TRAT1: variants seen among roughly 807,000 people sequenced by gnomAD.
TRAT1 encodes T-cell receptor-associated transmembrane adapter 1.
Under a neutral mutation model 20.0 loss-of-function variants are expected in TRAT1, and 20 were observed. The ratio of observed to expected loss-of-function variants is 1.00; its 90% CI spans 0.70 to 1.45. TRAT1 has a LOEUF of 1.45. Ranked by LOEUF, TRAT1 falls within the 40% of genes most tolerant of loss-of-function variation. The pLI is 0.00. For missense variants in TRAT1, 237 were observed against 224.1 expected (o/e 1.06, Z -0.37); for synonymous variants, 77 against 74.2 (o/e 1.04, Z -0.20).
chr3:108,830,575 G>A (rs1945783312), intron 1 of TRAT1, 95 bp from the exon 2 acceptor site: 3 of 806,296 alleles, frequency 3.7e-6, no homozygotes, highest in South Asian at 1.5e-5. Flanking sequence ...ACTTCATTAT[G>A]AATAAATGCA....
chr3:108,843,089 G>T (rs147105123), intron 3 of TRAT1, among the ~76,000 whole-genome samples: 1 of 152,176 alleles, frequency 6.6e-6, no homozygotes, highest in Non-Finnish European at 1.5e-5. Flanking sequence ...CAGAGAAAGC[G>T]AAAATGTAAT....
rs1217978101 is a variant in TRAT1 at position 108,854,670 on chromosome 3, G to A, written c.*793G>A. 6.6e-6 allele frequency: 1 copy of A among 151,888 alleles called. No individual in the cohort carries two copies. The highest frequency in any genetic ancestry group is 1.5e-5 in the Non-Finnish European group (1 of 67,940). 9.4% of individuals were successfully genotyped at this position (151,888 alleles called of 1,614,324 possible). ...TCTTTCCAGTCAACAATATATTGTG[G>A]ATTTATTTTCACTGTTATATTTAAC... On this transcript the variant is annotated 3_prime_UTR_variant, in exon 6 of 6. Transcript: ENST00000295756.
At position 108,854,646 on chromosome 3, in the gene TRAT1, C is replaced by A. The variant is rs991372825; in HGVS notation, c.*769C>A. On this transcript the variant is annotated 3_prime_UTR_variant, in exon 6 of 6. Coordinates refer to ENST00000295756, the MANE Select transcript of TRAT1 (RefSeq NM_016388.4). Reference sequence around the variant, plus strand: ...CTTTTGTACACATTACTTAAACTTTCTTTCCAGTCAACAATATATTGTGGA... The same window carrying A: ...CTTTTGTACACATTACTTAAACTTTATTTCCAGTCAACAATATATTGTGGA... 7.2e-5 allele frequency: 11 copies of A among 152,050 alleles called. No homozygotes were observed. The highest frequency in any genetic ancestry group is 1.5e-4 in the Non-Finnish European group (10 of 67,952). The allele number at this position is 152,050 out of a possible 1,614,324, so 9.4% of individuals were successfully genotyped here.
chr3:108,835,756 A>G (rs990704792), intron 2 of TRAT1, among the ~76,000 whole-genome samples: 5 of 149,510 alleles, frequency 3.3e-5, no homozygotes, highest in African/African-American at 1.2e-4. Context: ...CCATCTAAAC[A>G]TCACATTATT....
At chr3:108,839,701 C>T (rs868622772) in intron 3 of TRAT1, among the ~76,000 whole-genome samples, 1 of 151,046 alleles carries the variant, frequency 6.6e-6, no homozygotes, top group Non-Finnish European at 1.5e-5. Context: ...GGATGAGTAG[C>T]GCTATGCTGT....
In TRAT1 at chr3:108,853,658, T is replaced by C; in HGVS notation, c.342T>C (p.Asp114=). 6.2e-7 allele frequency: 1 copy of C among 1,614,078 alleles called. No homozygotes were observed. Residue 114 remains aspartate, a synonymous_variant, in exon 6 of 6, where the codon GAT becomes GAC. Transcript: ENST00000295756. ...NETQMCYASL[D]HSVKGKRRKP... is the part of the protein sequence containing the mutation. The stretch of plus-strand genomic sequence containing the variant: ...CACAGATGTGCTACGCCTCACTTGA[T>C]CACAGCGTTAAGGGGAAGCGTAGAA...
In TRAT1 at chr3:108,847,093, A is replaced by C. The variant is rs371070742; in HGVS notation, c.178A>C (p.Thr60Pro). ...TRVDEYYIED[T>P]PIYGNLDDMI... ...GGTTGATGAGTATTATATTGAAGAC[A>C]CACCAATTTATGGTAACTTAGATGA... is the stretch of plus-strand genomic sequence containing the variant. Residue 60 changes from threonine to proline, a missense_variant, in exon 4 of 6, where the codon ACA (threonine) becomes CCA (proline). Thr to Pro is a conservative substitution (Grantham distance 38, BLOSUM62 -1). Transcript: ENST00000295756. 84 of 1,544,596 alleles carry C rather than the reference A, an allele frequency of 5.4e-5. No individual in the cohort carries two copies. Among genetic ancestry groups the C allele is most frequent in the Non-Finnish European group, 7.5e-5 (84 of 1,126,226 alleles).
chr3:108,823,974 C>T lies in TRAT1; in HGVS notation c.7+1040C>T, dbSNP rs768980451. ...GCAACCTCTGCCTCCCAGGTTCAAG[C>T]GATTCTCCTGCCTCAACCTCCTGAG... On this transcript the variant is annotated intron_variant, in intron 1 of 5. Transcript: ENST00000295756. 2.6e-5 allele frequency among the ~76,000 whole-genome samples: 4 copies of T among 152,120 alleles called. No individual in the cohort carries two copies. In the East Asian group the frequency reaches 5.8e-4, roughly 22 times the overall value.
intron 2 of TRAT1, among the ~76,000 whole-genome samples, chr3:108,833,769 C>T (rs1384278601): frequency 6.6e-6 from 1 of 150,654 alleles, no homozygotes; most frequent in Non-Finnish European, 1.5e-5. Flanking sequence ...GTGGAAAATA[C>T]CATCTAGACC....
At chr3:108,839,060 T>A (rs1335150377) in intron 3 of TRAT1, 93 bp downstream of exon 3, 1 of 934,966 alleles carries the variant, frequency 1.1e-6, no homozygotes, top group Non-Finnish European at 1.7e-6. Flanking sequence ...ATGGATATTG[T>A]ACTTAGGTTA....
intron 5 of TRAT1, among the ~76,000 whole-genome samples, chr3:108,852,255 C>T (rs1023742002): frequency 1.3e-5 from 2 of 152,156 alleles, no homozygotes; most frequent in African/African-American, 4.8e-5. Context: ...GTGGTGGGCA[C>T]CTATAATCCC....
chr3:108,827,520 A>G (rs1190416140), intron 1 of TRAT1, among the ~76,000 whole-genome samples: 1 of 151,884 alleles, frequency 6.6e-6, no homozygotes, highest in Non-Finnish European at 1.5e-5. Flanking sequence ...AAATGGGGGT[A>G]TTTATTGTTG....
chr3:108,829,524 T>C (rs1207954167), intron 1 of TRAT1, among the ~76,000 whole-genome samples: 1 of 151,178 alleles, frequency 6.6e-6, no homozygotes, highest in East Asian at 2.0e-4. Flanking sequence ...GTGGAGGTTG[T>C]AGTGAGCCGA....
chr3:108,845,634 T>A (rs957685569), intron 3 of TRAT1, among the ~76,000 whole-genome samples: 1 of 152,372 alleles, frequency 6.6e-6, no homozygotes, highest in African/African-American at 2.4e-5. Flanking sequence ...CTACGTACTA[T>A]TTACATATAC....
intron 2 of TRAT1, among the ~76,000 whole-genome samples, chr3:108,832,630 T>C (rs2107508155): frequency 6.6e-6 from 1 of 152,236 alleles, no homozygotes; most frequent in Middle Eastern, 3.4e-3. Context: ...GAGTAAATAA[T>C]TTAAGGTGAC....
intron 3 of TRAT1, among the ~76,000 whole-genome samples, chr3:108,840,922 G>C (rs1305470446): frequency 6.6e-6 from 1 of 152,244 alleles, no homozygotes; most frequent in Admixed American, 6.5e-5. Flanking sequence ...CACCTGCACT[G>C]CAGCTGAAGG....
At chr3:108,832,623 T>G (rs1046835115) in intron 2 of TRAT1, among the ~76,000 whole-genome samples, 18 of 152,100 alleles carry the variant, frequency 1.2e-4, no homozygotes, top group African/African-American at 4.3e-4. Context: ...CTACAGAGAG[T>G]AAATAATTTA....
chr3:108,852,987 G>A (rs573860011), intron 5 of TRAT1, among the ~76,000 whole-genome samples: 39 of 152,328 alleles, frequency 2.6e-4, no homozygotes, highest in African/African-American at 8.9e-4. Flanking sequence ...GGCCCTCTTG[G>A]ATGTGAATGG....
intron 2 of TRAT1, among the ~76,000 whole-genome samples, chr3:108,834,868 A>T (rs1945825220): frequency 6.6e-6 from 1 of 152,230 alleles, no homozygotes; most frequent in African/African-American, 2.4e-5. Flanking sequence ...AGAAGCTTTG[A>T]AATGGAGTTC....
Sources: gnomAD v4.1 joint callset for allele counts (sites outside exome capture counted in the v4.1 genomes callset) on GRCh38, gnomAD v4.1.1 for gene constraint, MANE v1.5 for transcripts, NCBI Gene and HGNC (gene_info 2026-07-23, HGNC 2026-07-21) for gene names.